SUMF2: variants seen among roughly 807,000 people sequenced by gnomAD.
The protein encoded by SUMF2 is sulfatase modifying factor 2.
Under a neutral mutation model 44.8 loss-of-function variants are expected in SUMF2, and 45 were observed. The ratio of observed to expected loss-of-function variants is 1.00; its 90% CI spans 0.79 to 1.29. The LOEUF (loss-of-function observed/expected upper bound fraction) is 1.29, where lower values mean the gene tolerates loss of function less well. Among genes scored for constraint, SUMF2 ranks in the 50% most tolerant of loss-of-function variants. The probability of loss-of-function intolerance (pLI) is 0.00; values close to 1 mark genes in which losing one functional copy is unlikely to be tolerated. For synonymous variants in SUMF2, 148 were observed against 150.4 expected, an observed-to-expected ratio of 0.98 and a Z score of 0.12; for missense variants, 418 against 389.9, an observed-to-expected ratio of 1.07 and a Z score of -0.61.
intron 1 of SUMF2, among the ~76,000 whole-genome samples, chr7:56,065,122 G>C (rs1417514373): frequency 6.7e-6 from 1 of 150,368 alleles, no homozygotes; most frequent in Non-Finnish European, 1.5e-5. Flanking sequence ...AACCCCGGGG[G>C]GTGGAGCCTG....
intron 1 of SUMF2, among the ~76,000 whole-genome samples, chr7:56,064,958 C>T (rs990101177): frequency 9.4e-4 from 139 of 147,956 alleles, no homozygotes; most frequent in African/African-American, 3.2e-3. Flanking sequence ...TTTGGGAGGC[C>T]GAGGCGGGCG....
chr7:56,064,549 C>T (rs1256676683), intron 1 of SUMF2, among the ~76,000 whole-genome samples, 171 bp downstream of exon 1: 3 of 152,150 alleles, frequency 2.0e-5, no homozygotes, highest in East Asian at 3.9e-4. Flanking sequence ...TACTTTTCAA[C>T]TTCTTGTTGT....
downstream of SUMF2, chr7:56,080,913 C>A (rs1222844861): frequency 3.2e-6 from 3 of 926,090 alleles, no homozygotes; most frequent in East Asian, 7.9e-5. Context: ...GAGAGGGGAT[C>A]GTGGCCTCAG....
rs1276684982 is a variant in SUMF2, at chr7:56,066,540, C to G, written c.68-1942C>G. The stretch of plus-strand genomic sequence containing the variant: ...TGGTTCACTGCAACCTCCGCCCCCC[C>G]AGGTTCAAGTGATTCTCCTGCCTCA... On this transcript the variant is annotated intron_variant, in intron 1 of 8. Transcript: ENST00000434526. Among the ~76,000 whole-genome samples the G allele has an allele frequency of 7.9e-5, 12 of 152,084 alleles. No homozygotes were observed. In the South Asian group the frequency reaches 2.1e-3, roughly 26 times the overall value.
chr7:56,082,138 GCTC>G (rs1440147960), downstream of SUMF2: 2 of 1,611,520 alleles, frequency 1.2e-6, no homozygotes, highest in Admixed American at 1.7e-5. Context: ...CTAGCTGGGT[GCTC>G]CTCCTTTCCC....
Position 56,074,694 on chromosome 7 carries a change from A to C in SUMF2, c.493A>C (p.Thr165Pro). The C allele has an allele frequency of 1.2e-6, 2 of 1,614,144 alleles. No homozygotes were observed. Among genetic ancestry groups the C allele is most frequent in the African/African-American group, 1.3e-5 (1 of 75,048 alleles). ...TGCTTGGCGGGGAAAACGACTGCCC[A>C]CGGAGGAAGAGTGGGAGTTTGCCGC... ...YCAWRGKRLP[T>P]EEEWEFAARG... Residue 165 changes from threonine to proline, a missense_variant, in exon 5 of 9, where the codon ACG becomes CCG. Physicochemically the swap from Thr to Pro is conservative, Grantham distance 38. Transcript: ENST00000434526.
At chr7:56,064,433 G>A in intron 1 of SUMF2, 55 bp downstream of exon 1, 1 of 1,554,200 alleles carries the variant, frequency 6.4e-7, no homozygotes, top group Non-Finnish European at 8.7e-7. Flanking sequence ...GGGGCGCTCC[G>A]CCCTGACGGG....
downstream of SUMF2, chr7:56,082,227 C>T (rs750381091): frequency 6.2e-7 from 1 of 1,613,698 alleles, no homozygotes; most frequent in South Asian, 1.1e-5. Context: ...ATCTCAGGGG[C>T]CAGGTAACTG....
chr7:56,071,293 G>A (rs1179611859), intron 2 of SUMF2, among the ~76,000 whole-genome samples: 1 of 152,134 alleles, frequency 6.6e-6, no homozygotes, highest in South Asian at 2.1e-4. Flanking sequence ...GGAGGTCAAG[G>A]CTGCAGTGAG....
chr7:56,080,855 G>C, downstream of SUMF2: 1 of 637,832 alleles, frequency 1.6e-6, no homozygotes, highest in Non-Finnish European at 2.7e-6. Flanking sequence ...CCAGCCTGCA[G>C]GTATTGCTGT....
At chr7:56,083,402 C>T, downstream of SUMF2, 2 of 1,614,144 alleles carry the variant, frequency 1.2e-6, no homozygotes, top group South Asian at 2.2e-5. Context: ...TGAGTTTGTG[C>T]AAGGTGCAGA....
At position 56,080,453 on chromosome 7, in the gene SUMF2, G is replaced by C. The variant is rs1795908924; in HGVS notation, c.*841G>C. ...TAATTTTTTGAATTTTTGTAGTGATGGGATCTCGCTCTGTTGCCCAGGGTG... is the reference window on the plus strand; with the variant it reads ...TAATTTTTTGAATTTTTGTAGTGATCGGATCTCGCTCTGTTGCCCAGGGTG... On this transcript the variant is annotated 3_prime_UTR_variant, in exon 9 of 9. Transcript: ENST00000434526. The C allele has an allele frequency of 6.3e-6, 1 of 158,670 alleles. No homozygotes were observed. Among genetic ancestry groups the C allele is most frequent in the South Asian group, 1.9e-4 (1 of 5,392 alleles). 9.8% of individuals were successfully genotyped at this position (158,670 alleles called of 1,614,324 possible).
chr7:56,075,925 C>T (rs143031811), intron 5 of SUMF2, among the ~76,000 whole-genome samples: 144 of 152,078 alleles, frequency 9.5e-4, no homozygotes, highest in Middle Eastern at 6.8e-3. Context: ...TACAGTGGCA[C>T]GATCTCAGCT....
chr7:56,082,339 T>C, downstream of SUMF2: 1 of 1,053,870 alleles, frequency 9.5e-7, no homozygotes, highest in East Asian at 2.4e-5. Context: ...ATTTCTATAA[T>C]CCTAGCACTT....
At chr7:56,072,877 C>T in intron 2 of SUMF2, 120 bp from the exon 3 acceptor site, 1 of 671,904 alleles carries the variant, frequency 1.5e-6, no homozygotes. Context: ...CCTTGGCAAT[C>T]ATGAACACTC....
intron 3 of SUMF2, 45 bp from the exon 4 acceptor site, chr7:56,074,129 T>C: frequency 6.2e-7 from 1 of 1,606,098 alleles, no homozygotes; most frequent in Non-Finnish European, 8.5e-7. Flanking sequence ...GAGGTGCCTT[T>C]GCTGGGCCGG....
chr7:56,087,703 C>T, the SUMF2 span: 201 of 1,613,988 alleles, frequency 1.2e-4, 1 homozygote, highest in East Asian at 1.6e-3. Flanking sequence ...CCACCGGTGA[C>T]GTCGATGACC....
rs191869171 is a variant in SUMF2, at chr7:56,072,012, G to A, written c.225-985G>A. 2.6e-4 allele frequency among the ~76,000 whole-genome samples: 40 copies of A among 151,036 alleles called. No individual in the cohort carries two copies. The South Asian group carries it at 6.5e-3, about 24-fold the overall frequency. ...AATCCCAGCTACTGGGGAAGCTGAG[G>A]CAAGAGAATCGCTTGAACCCAGGAG... On this transcript the variant is annotated intron_variant, in intron 2 of 8. Transcript: ENST00000434526.
At chr7:56,079,193 T>A (rs1480177013) in intron 8 of SUMF2, among the ~76,000 whole-genome samples, 2 of 152,200 alleles carry the variant, frequency 1.3e-5, no homozygotes, top group Non-Finnish European at 2.9e-5. Flanking sequence ...TCATTGCTTG[T>A]GGACAGGTTT....
Sources: allele counts gnomAD v4.1 joint callset (sites outside exome capture counted in the v4.1 genomes callset), GRCh38; gene constraint gnomAD v4.1.1; transcripts MANE v1.5; gene names NCBI Gene and HGNC (gene_info 2026-07-23, HGNC 2026-07-21).